The following CENPW variants were observed in gnomAD, a reference collection of about 807,000 sequenced individuals.
CENPW encodes the protein cancer-up-regulated gene 2 protein.
In CENPW, 3 loss-of-function variants were observed where a neutral mutation model predicts 11.1. The ratio of observed to expected loss-of-function variants is 0.27; its 90% CI spans 0.12 to 0.70. The LOEUF (loss-of-function observed/expected upper bound fraction) is 0.70. Among genes scored for constraint, CENPW ranks in the 30% least tolerant of loss-of-function variants. The probability of loss-of-function intolerance (pLI) is 0.77; values close to 1 mark genes in which losing one functional copy is unlikely to be tolerated. For synonymous variants in CENPW, 38 were observed against 42.0 expected, an observed-to-expected ratio of 0.91 and a Z score of 0.37; for missense variants, 100 against 105.6, an observed-to-expected ratio of 0.95 and a Z score of 0.23.
the CENPW span, among the ~76,000 whole-genome samples, chr6:126,397,361 A>T: frequency 1.3e-5 from 2 of 152,152 alleles, no homozygotes; most frequent in East Asian, 1.9e-4. Context: ...GCACTGGCTC[A>T]CAGGACTCTG....
the CENPW span, among the ~76,000 whole-genome samples, chr6:126,444,335 T>C: frequency 6.6e-6 from 1 of 151,200 alleles, no homozygotes; most frequent in Non-Finnish European, 1.5e-5. Context: ...TTGATTTTGC[T>C]TGCCTTTTTC....
the CENPW span, among the ~76,000 whole-genome samples, chr6:126,357,684 C>T: frequency 6.6e-6 from 1 of 152,034 alleles, no homozygotes; most frequent in East Asian, 1.9e-4. Flanking sequence ...TTTCGGCTCA[C>T]TGCAACCTCC....
At chr6:126,345,471 C>T (rs1168175546) in intron 1 of CENPW, among the ~76,000 whole-genome samples, 1 of 151,914 alleles carries the variant, frequency 6.6e-6, no homozygotes, top group East Asian at 1.9e-4. Flanking sequence ...TAATTATAGA[C>T]TCAAAAGGTG....
At chr6:126,363,244 C>T in the CENPW span, among the ~76,000 whole-genome samples, 1 of 152,170 alleles carries the variant, frequency 6.6e-6, no homozygotes, top group Non-Finnish European at 1.5e-5. Context: ...GATGGGAGAA[C>T]TAGAAGCCAT....
the CENPW span, among the ~76,000 whole-genome samples, chr6:126,455,854 TA>T: frequency 2.0e-5 from 3 of 150,906 alleles, no homozygotes; most frequent in Non-Finnish European, 3.0e-5. Context: ...TAGATCTGAT[TA>T]AAAAAAACTT....
the CENPW span, among the ~76,000 whole-genome samples, chr6:126,408,485 A>G: frequency 6.6e-6 from 1 of 152,102 alleles, no homozygotes; most frequent in Non-Finnish European, 1.5e-5. Context: ...ATTACCTCCC[A>G]CTGGAAACCT....
At chr6:126,438,635 A>G in the CENPW span, among the ~76,000 whole-genome samples, 3 of 151,680 alleles carry the variant, frequency 2.0e-5, no homozygotes, top group Non-Finnish European at 3.0e-5. Context: ...TACATTATAA[A>G]TTAAAGGGAT....
At chr6:126,409,755 G>C in the CENPW span, among the ~76,000 whole-genome samples, 1 of 151,570 alleles carries the variant, frequency 6.6e-6, no homozygotes, top group African/African-American at 2.4e-5. Context: ...GTTTTCATTT[G>C]AGTGAAATAT....
At chr6:126,385,475 T>G in the CENPW span, among the ~76,000 whole-genome samples, 1 of 152,092 alleles carries the variant, frequency 6.6e-6, no homozygotes, top group Admixed American at 6.6e-5. Context: ...CTTTGGTTGA[T>G]GCAACAAGGA....
At chr6:126,365,822 G>A in the CENPW span, among the ~76,000 whole-genome samples, 1 of 152,148 alleles carries the variant, frequency 6.6e-6, no homozygotes. Context: ...GACCCACAAA[G>A]AATGAAAGGA....
chr6:126,342,084 T>C (rs890081798), intron 1 of CENPW, among the ~76,000 whole-genome samples: 3 of 152,236 alleles, frequency 2.0e-5, no homozygotes, highest in Non-Finnish European at 4.4e-5. Context: ...CTGGTTTCTT[T>C]ATAGCTTTCT....
At chr6:126,357,056 T>C in the CENPW span, among the ~76,000 whole-genome samples, 41 of 152,354 alleles carry the variant, frequency 2.7e-4, no homozygotes, top group East Asian at 2.3e-3. Context: ...GCTGCTTCTA[T>C]GATTCTTACA....
the CENPW span, among the ~76,000 whole-genome samples, chr6:126,400,681 G>C: frequency 1.3e-5 from 2 of 151,806 alleles, no homozygotes; most frequent in African/African-American, 4.8e-5. Context: ...TAAACTATTT[G>C]TTATTGTTAC....
At chr6:126,462,213 C>T in the CENPW span, among the ~76,000 whole-genome samples, 1 of 151,804 alleles carries the variant, frequency 6.6e-6, no homozygotes, top group Non-Finnish European at 1.5e-5. Context: ...TGTATTTGTA[C>T]ACAGTAAAAT....
chr6:126,348,429 A>T (rs368329942), intron 2 of CENPW, 37 bp from the exon 3 acceptor site: 2 of 1,073,316 alleles, frequency 1.9e-6, no homozygotes, highest in African/African-American at 3.1e-5. Flanking sequence ...TATTTTTCAT[A>T]GATATAATAT....
chr6:126,392,454 C>G, the CENPW span, among the ~76,000 whole-genome samples: 2 of 151,750 alleles, frequency 1.3e-5, no homozygotes, highest in African/African-American at 2.4e-5. Context: ...GCATATATAC[C>G]TTTTATTATG....
At chr6:126,398,708 T>C in the CENPW span, among the ~76,000 whole-genome samples, 1 of 152,012 alleles carries the variant, frequency 6.6e-6, no homozygotes, top group Non-Finnish European at 1.5e-5. Flanking sequence ...GGAGATTTGT[T>C]ACATGGGTAT....
At chr6:126,420,173 T>G in the CENPW span, among the ~76,000 whole-genome samples, 1 of 152,148 alleles carries the variant, frequency 6.6e-6, no homozygotes, top group African/African-American at 2.4e-5. Context: ...GATGGTCAGG[T>G]AGTACAGCAC....
the CENPW span, among the ~76,000 whole-genome samples, chr6:126,427,680 C>A: frequency 6.6e-6 from 1 of 152,104 alleles, no homozygotes; most frequent in Non-Finnish European, 1.5e-5. Flanking sequence ...TGAGTGCTAC[C>A]ATTTTTGTTA....
Sources: gnomAD v4.1 joint callset for allele counts (sites outside exome capture counted in the v4.1 genomes callset) on GRCh38, gnomAD v4.1.1 for gene constraint, MANE v1.5 for transcripts, NCBI Gene and HGNC (gene_info 2026-07-23, HGNC 2026-07-21) for gene names.